Variants in MCTP1 observed in about 807,000 individuals in gnomAD.
MCTP1 encodes multiple C2 and transmembrane domain-containing protein 1.
Under a neutral mutation model 120.6 loss-of-function variants are expected in MCTP1, and 69 were observed. The observed-to-expected ratio is 0.57, with a 90% CI of 0.47 to 0.70. The LOEUF (loss-of-function observed/expected upper bound fraction) is 0.70, where lower values mean the gene tolerates loss of function less well. Ranked by LOEUF, MCTP1 falls within the 30% of genes least tolerant of loss-of-function variation. The pLI is 0.00. For synonymous variants in MCTP1, 529 were observed against 493.1 expected (o/e 1.07, Z -0.96); for missense variants, 1,203 against 1,248.8 (o/e 0.96, Z 0.55).
intron 12 of MCTP1, among the ~76,000 whole-genome samples, chr5:94,874,601 A>G (rs146632530): frequency 1.3e-5 from 2 of 152,226 alleles, no homozygotes; most frequent in Non-Finnish European, 1.5e-5. Flanking sequence ...GAAGTCTTAA[A>G]GGTCTGGTGA....
intron 1 of MCTP1, among the ~76,000 whole-genome samples, chr5:95,262,314 G>A (rs974022226): frequency 3.9e-5 from 6 of 152,100 alleles, no homozygotes; most frequent in African/African-American, 9.7e-5. Flanking sequence ...CATTTCAAGC[G>A]TGAAATGGCT....
At chr5:94,992,203 A>T (rs381984) in intron 2 of MCTP1, among the ~76,000 whole-genome samples, 118,883 of 152,148 alleles carry the variant, frequency 0.78, 46,752 homozygotes, top group Admixed American at 0.86. Flanking sequence ...TGGAAAAGAA[A>T]ACAAATCCTT....
At chr5:94,713,220 T>G (rs1356390401) in intron 20 of MCTP1, among the ~76,000 whole-genome samples, 2 of 152,124 alleles carry the variant, frequency 1.3e-5, no homozygotes, top group African/African-American at 4.8e-5. Context: ...GAATTTCTTT[T>G]TTTTAGCATC....
chr5:95,103,329 T>A (rs1756875840), intron 1 of MCTP1, among the ~76,000 whole-genome samples: 1 of 152,006 alleles, frequency 6.6e-6, no homozygotes, highest in African/African-American at 2.4e-5. Context: ...ATATTTTTTT[T>A]AAAGTGGAGA....
intron 19 of MCTP1, among the ~76,000 whole-genome samples, chr5:94,720,597 T>C (rs770228209): frequency 7.4e-4 from 113 of 152,290 alleles, no homozygotes; most frequent in Non-Finnish European, 1.1e-3. Context: ...ATGCCTATGT[T>C]GGGGAAAAAA....
At chr5:95,064,173 G>C (rs907086145) in intron 1 of MCTP1, among the ~76,000 whole-genome samples, 2 of 152,208 alleles carry the variant, frequency 1.3e-5, no homozygotes, top group Non-Finnish European at 2.9e-5. Context: ...CAATCCATTA[G>C]AAACGAATTG....
intron 3 of MCTP1, among the ~76,000 whole-genome samples, chr5:94,947,577 TAG>T (rs3030518): frequency 0.017 from 811 of 47,226 alleles, 9 homozygotes; most frequent in East Asian, 0.042. Context: ...TATATATATA[TAG>T]AGAGAGAGAG....
intron 10 of MCTP1, among the ~76,000 whole-genome samples, chr5:94,901,898 G>GT (rs1805650435): frequency 6.6e-6 from 1 of 152,058 alleles, no homozygotes; most frequent in Non-Finnish European, 1.5e-5. Context: ...ATTTTTTAAC[G>GT]TAAAAATAAG....
At chr5:94,900,415 A>T (rs558446376) in intron 10 of MCTP1, among the ~76,000 whole-genome samples, 6 of 152,320 alleles carry the variant, frequency 3.9e-5, no homozygotes, top group South Asian at 2.1e-4. Context: ...GAGGCTCAAT[A>T]ATTTATCCTT....
In MCTP1 at chr5:94,871,305, T is replaced by G. The variant is rs1797821198; in HGVS notation, c.2139+10A>C. ...AACACAGAACAGTGTGTCAGGTGAA[T>G]AAAACTTACAGACAGCAATGGTATA... On this transcript the variant is annotated intron_variant, in intron 14 of 22. Transcript: ENST00000515393. 1.6e-5 allele frequency: 25 copies of G among 1,534,566 alleles called. No individual in the cohort carries two copies. Among genetic ancestry groups the G allele is most frequent in the Non-Finnish European group, 2.0e-5 (22 of 1,108,330 alleles).
intron 1 of MCTP1, among the ~76,000 whole-genome samples, chr5:95,199,072 A>G (rs1325865163): frequency 6.6e-6 from 1 of 152,238 alleles, no homozygotes; most frequent in Non-Finnish European, 1.5e-5. Flanking sequence ...TAGATAATAC[A>G]TAATTAACAT....
chr5:94,993,012 A>T (rs1831912560), intron 2 of MCTP1, among the ~76,000 whole-genome samples: 1 of 152,218 alleles, frequency 6.6e-6, no homozygotes, highest in East Asian at 1.9e-4. Flanking sequence ...TATTTTAGTT[A>T]TTCTTATAAC....
intron 1 of MCTP1, among the ~76,000 whole-genome samples, chr5:95,024,323 G>A (rs1838786851): frequency 6.6e-6 from 1 of 152,108 alleles, no homozygotes; most frequent in Non-Finnish European, 1.5e-5. Context: ...ATCAATAAAT[G>A]TGGCTCACCA....
At chr5:95,151,179 T>G (rs947902158) in intron 1 of MCTP1, among the ~76,000 whole-genome samples, 11 of 147,352 alleles carry the variant, frequency 7.5e-5, no homozygotes, top group Non-Finnish European at 1.0e-4. Flanking sequence ...AGATGAGGTT[T>G]TGCCATGTTG....
At chr5:94,857,169 G>A (rs920260344) in intron 17 of MCTP1, among the ~76,000 whole-genome samples, 1 of 151,626 alleles carries the variant, frequency 6.6e-6, no homozygotes, top group Non-Finnish European at 1.5e-5. Context: ...TCTTACAATA[G>A]TATAGCTTTA....
intron 1 of MCTP1, among the ~76,000 whole-genome samples, chr5:95,282,510 A>G (rs1390389131): frequency 6.6e-6 from 1 of 152,218 alleles, no homozygotes; most frequent in Non-Finnish European, 1.5e-5. Context: ...AATATATAGT[A>G]TTCATCTATA....
At chr5:95,131,613 C>T (rs1012298228) in intron 1 of MCTP1, among the ~76,000 whole-genome samples, 7 of 151,730 alleles carry the variant, frequency 4.6e-5, no homozygotes, top group Non-Finnish European at 5.9e-5. Flanking sequence ...TTTTTGTCAT[C>T]GTAGTTATAC....
chr5:94,904,630 T>C lies in MCTP1; in HGVS notation c.1652+4621A>G, dbSNP rs139242888. On this transcript the variant is annotated intron_variant, in intron 10 of 22. Transcript: ENST00000515393. The stretch of plus-strand genomic sequence containing the variant: ...TCAGACACTTTTATACTTTAACTAA[T>C]TCATTCTTCTCTTTTGCATTATATT... Among the ~76,000 whole-genome samples the C allele has an allele frequency of 4.2e-3, 647 of 152,328 alleles. 7 individuals carry two copies. The highest frequency in any genetic ancestry group is 0.015 in the African/African-American group (628 of 41,568).
intron 1 of MCTP1, among the ~76,000 whole-genome samples, chr5:95,269,070 T>A (rs1759150106): frequency 6.6e-6 from 1 of 152,208 alleles, no homozygotes; most frequent in Admixed American, 6.5e-5. Context: ...CACTGATTTA[T>A]CTATAAAATG....
Sources: gnomAD v4.1 joint callset for allele counts (sites outside exome capture counted in the v4.1 genomes callset) on GRCh38, gnomAD v4.1.1 for gene constraint, MANE v1.5 for transcripts, NCBI Gene and HGNC (gene_info 2026-07-23, HGNC 2026-07-21) for gene names.